PLXNA2: variants seen among roughly 807,000 people sequenced by gnomAD.
PLXNA2 encodes plexin-A2.
Under a neutral mutation model 193.5 loss-of-function variants are expected in PLXNA2, and 91 were observed. The observed-to-expected ratio is 0.47, with a 90% confidence interval of 0.40 to 0.56. The LOEUF (loss-of-function observed/expected upper bound fraction) is 0.56, where lower values mean the gene tolerates loss of function less well. Ranked by LOEUF, PLXNA2 falls within the 20% of genes least tolerant of loss-of-function variation. The probability of loss-of-function intolerance (pLI) is 0.00; values close to 1 mark genes in which losing one functional copy is unlikely to be tolerated. For missense variants in PLXNA2, 1,995 were observed against 2,503.2 expected, an observed-to-expected ratio of 0.80 and a Z score of 4.33; for synonymous variants, 997 against 1,027.3, an observed-to-expected ratio of 0.97 and a Z score of 0.56.
intron 26 of PLXNA2, among the ~76,000 whole-genome samples, chr1:208,034,926 T>C (rs1664624682): frequency 6.6e-6 from 1 of 152,264 alleles, no homozygotes. Flanking sequence ...ATAAACTATC[T>C]TATTGATAAT....
rs376568775 is a variant in PLXNA2, at chr1:208,142,407, G to A, written c.1428C>T (p.Leu476=). The A allele has an allele frequency of 6.2e-7, 1 of 1,613,822 alleles. No homozygotes were observed. The highest frequency in any genetic ancestry group is 8.5e-7 in the Non-Finnish European group (1 of 1,179,920). The change falls in exon 4 of 32, where the codon CTC becomes CTT. Residue 476 remains leucine (L), a synonymous_variant. Coordinates refer to ENST00000367033, the MANE Select transcript of PLXNA2 (RefSeq NM_025179.4). ...CCCGGAGGATGGGGCTTCCGTCCTT[G>A]AGCACAGAGACCATCTCGTACTGGA... is the stretch of plus-strand genomic sequence containing the variant. ...GGVQYEMVSV[L]KDGSPILRDM...
At chr1:208,031,207 A>T in intron 29 of PLXNA2, 3 of 1,048,582 alleles carry the variant, frequency 2.9e-6, no homozygotes, top group Non-Finnish European at 3.5e-6. Context: ...ATGCCCCACG[A>T]TGTCTGGCTG....
chr1:208,147,359 T>C (rs973207824), intron 3 of PLXNA2, among the ~76,000 whole-genome samples: 1 of 152,200 alleles, frequency 6.6e-6, no homozygotes, highest in Non-Finnish European at 1.5e-5. Context: ...CTAGCTCTAG[T>C]AAGAACCAAA....
rs568394245 is a variant in PLXNA2 at position 208,051,451 on chromosome 1, G to C, written c.2994-28C>G. 1.6e-5 allele frequency: 26 copies of C among 1,595,516 alleles called. No homozygotes were observed. In the Middle Eastern group the frequency reaches 1.0e-3, roughly 61 times the overall value. On this transcript the variant is annotated intron_variant, in intron 15 of 31. Coordinates refer to ENST00000367033, the MANE Select transcript of PLXNA2 (RefSeq NM_025179.4). ...GACAGGGAGACAGCAGGAGGGTTGA[G>C]AAGAAAGGCATGGGCAACAAGAGGT...
At chr1:208,107,013 T>C (rs748169559) in intron 4 of PLXNA2, among the ~76,000 whole-genome samples, 2 of 152,180 alleles carry the variant, frequency 1.3e-5, no homozygotes, top group Non-Finnish European at 1.5e-5. Flanking sequence ...TGGGTGACCA[T>C]GGGAAGAACT....
At position 208,242,821 on chromosome 1, in the gene PLXNA2, G is replaced by C. The variant is rs906742410; in HGVS notation, c.-81+822C>G. On this transcript the variant is annotated intron_variant, in intron 1 of 31. Transcript: ENST00000367033. ...TCTAGACCATGATTGGCATTATAGA[G>C]ACTACCTGTGGGATGGATAAAAAGG... Among the ~76,000 whole-genome samples, 5 of 152,266 alleles carry C rather than the reference G, an allele frequency of 3.3e-5. No individual in the cohort carries two copies. The East Asian group carries it at 5.8e-4, about 18-fold the overall frequency.
Position 208,065,521 on chromosome 1 carries a change from T to A in PLXNA2, c.2587-4684A>T, listed in dbSNP as rs149114308. Among the ~76,000 whole-genome samples the A allele has an allele frequency of 1.4e-4, 21 of 152,276 alleles. No homozygotes were observed. The East Asian group carries it at 4.1e-3, about 29-fold the overall frequency. ...GAGAGTAGGTCTTGATAATTGGTAA[T>A]CTCCTTCCCTGTGTTTCCCTGCACC... On this transcript the variant is annotated intron_variant, in intron 12 of 31. Coordinates refer to ENST00000367033, the MANE Select transcript of PLXNA2 (RefSeq NM_025179.4).
intron 1 of PLXNA2, among the ~76,000 whole-genome samples, chr1:208,234,894 G>A (rs1396697816): frequency 3.9e-5 from 6 of 152,172 alleles, no homozygotes. Flanking sequence ...TGTGACTCAC[G>A]GCAATGCACT....
chr1:208,071,565 C>T (rs1163584983), intron 12 of PLXNA2, among the ~76,000 whole-genome samples: 1 of 152,200 alleles, frequency 6.6e-6, no homozygotes, highest in Non-Finnish European at 1.5e-5. Context: ...TCACAGTAGG[C>T]TAGAGCCCAG....
intron 4 of PLXNA2, among the ~76,000 whole-genome samples, chr1:208,136,387 GTTCA>G (rs1164472153): frequency 6.6e-6 from 1 of 152,246 alleles, no homozygotes; most frequent in Non-Finnish European, 1.5e-5. Context: ...GGGTCTGAAT[GTTCA>G]CTACCTGGAG....
chr1:208,048,054 C>G (rs566797736), intron 17 of PLXNA2, among the ~76,000 whole-genome samples: 1 of 152,130 alleles, frequency 6.6e-6, no homozygotes, highest in Non-Finnish European at 1.5e-5. Context: ...AAGAAGACAC[C>G]GAGCCTTGGT....
chr1:208,135,937 A>T (rs1220228379), intron 4 of PLXNA2, among the ~76,000 whole-genome samples: 1 of 152,234 alleles, frequency 6.6e-6, no homozygotes, highest in Middle Eastern at 3.4e-3. Context: ...TGCAATTTCT[A>T]CCTCATTATA....
intron 4 of PLXNA2, among the ~76,000 whole-genome samples, chr1:208,116,657 G>A (rs866724954): frequency 7.9e-5 from 12 of 152,034 alleles, no homozygotes; most frequent in Non-Finnish European, 1.2e-4. Context: ...CAACTGTACC[G>A]GGCAAGTCCC....
At chr1:208,051,629 G>A (rs1158058216) in intron 15 of PLXNA2, among the ~76,000 whole-genome samples, 1 of 152,194 alleles carries the variant, frequency 6.6e-6, no homozygotes, top group African/African-American at 2.4e-5. Context: ...TTGGAGACGG[G>A]GGTTTGAAAA....
At chr1:208,098,456 T>TCACACACACA (rs1214971611) in intron 6 of PLXNA2, among the ~76,000 whole-genome samples, 202 of 109,174 alleles carry the variant, frequency 1.9e-3, no homozygotes, top group East Asian at 0.015. Flanking sequence ...TCTCTCTCTC[T>TCACACACACA]CTCACACACA....
At position 208,082,566 on chromosome 1, in the gene PLXNA2, G is replaced by A; in HGVS notation, c.2299-58C>T. The A allele has an allele frequency of 8.2e-7, 1 of 1,212,622 alleles. No individual in the cohort carries two copies. Among genetic ancestry groups the A allele is most frequent in the South Asian group, 1.2e-5 (1 of 81,516 alleles). 75.1% of individuals were successfully genotyped at this position (1,212,622 alleles called of 1,614,324 possible). A position where few individuals can be genotyped will look rare whatever the true frequency, so the allele number is the denominator to read the frequency against. ...TGTGGCTCTCTATCACAGGGGTCAG[G>A]GATGCAGACAAACCCTGCATGCTGC... On this transcript the variant is annotated intron_variant, in intron 10 of 31. Transcript: ENST00000367033. This position sits in a 1 kb window ranked among gnomAD's most constrained non-coding sequence, Gnocchi z 4.2.
intron 3 of PLXNA2, among the ~76,000 whole-genome samples, chr1:208,192,684 C>T (rs762714879): frequency 3.3e-5 from 5 of 151,746 alleles, no homozygotes; most frequent in African/African-American, 4.8e-5. Context: ...GTCAGGAGTT[C>T]GAGACCAGCC....
chr1:208,212,906 T>C (rs79368586), intron 2 of PLXNA2, among the ~76,000 whole-genome samples: 9,103 of 152,344 alleles, frequency 0.06, 382 homozygotes, highest in East Asian at 0.15. Context: ...ATATGTCATG[T>C]ACCATGTCTC....
intron 5 of PLXNA2, among the ~76,000 whole-genome samples, chr1:208,099,880 C>G (rs1218484942): frequency 6.6e-6 from 1 of 151,904 alleles, no homozygotes; most frequent in Non-Finnish European, 1.5e-5. Context: ...TAGAATGACT[C>G]TTTACAGCAC....
Sources: allele counts gnomAD v4.1 joint callset (sites outside exome capture counted in the v4.1 genomes callset), GRCh38; gene constraint gnomAD v4.1.1; non-coding constraint Gnocchi (gnomAD v3.1); transcripts MANE v1.5; gene names NCBI Gene and HGNC (gene_info 2026-07-23, HGNC 2026-07-21).